Variants in DNAH10 observed in about 807,000 individuals in gnomAD.
The protein encoded by DNAH10 is axonemal beta dynein heavy chain 10.
Under a neutral mutation model 506.6 loss-of-function variants are expected in DNAH10, and 348 were observed. The observed-to-expected ratio is 0.69, with a 90% CI of 0.63 to 0.75. The LOEUF is 0.75. Among genes scored for constraint, DNAH10 ranks in the 30% least tolerant of loss-of-function variants. The probability of loss-of-function intolerance (pLI) is 0.00; values close to 1 mark genes in which losing one functional copy is unlikely to be tolerated. For synonymous variants in DNAH10, 2,059 were observed against 2,198.6 expected (o/e 0.94, Z 1.78); for missense variants, 5,179 against 5,787.1 (o/e 0.89, Z 3.41).
At chr12:123,812,426 A>G (rs534162960) in intron 19 of DNAH10, among the ~76,000 whole-genome samples, 54 of 152,258 alleles carry the variant, frequency 3.5e-4, no homozygotes, top group African/African-American at 1.1e-3. Flanking sequence ...ACTCCAGCCT[A>G]GGCGACAGAG....
chr12:123,813,994 A>T, intron 21 of DNAH10, 82 bp downstream of exon 21: 2 of 1,310,642 alleles, frequency 1.5e-6, no homozygotes, highest in Non-Finnish European at 2.0e-6. Context: ...TCTCAAGTAT[A>T]CTGCCATTGA....
intron 28 of DNAH10, among the ~76,000 whole-genome samples, chr12:123,836,715 TAAAAG>T (rs1466371645): frequency 6.6e-6 from 1 of 152,148 alleles, no homozygotes; most frequent in African/African-American, 2.4e-5. Flanking sequence ...TTTTTAAACT[TAAAAG>T]AATTGTACAA....
rs566334758 is a variant in DNAH10 at position 123,903,519 on chromosome 12, C to A, written c.9815+406C>A. Among the ~76,000 whole-genome samples the A allele has an allele frequency of 6.6e-6, 1 of 152,368 alleles. No individual in the cohort carries two copies. Among genetic ancestry groups the A allele is most frequent in the East Asian group, 1.9e-4 (1 of 5,190 alleles). ...GAGATGTGTGCACACCACGGCCGGA[C>A]TGGCGATGCCTGAATCCATTTCCAG... On this transcript the variant is annotated intron_variant, in intron 57 of 78. Transcript: ENST00000673944. The surrounding 1 kb of genome is among the most constrained non-coding windows in gnomAD (Gnocchi z 4.6).
chr12:123,914,669 C>A, intron 61 of DNAH10, 119 bp downstream of exon 61: 1 of 1,399,256 alleles, frequency 7.1e-7, no homozygotes, highest in Non-Finnish European at 9.6e-7. Context: ...ACAGTTGGCT[C>A]GACTGCATGG....
rs200033987 is a variant in DNAH10 at position 123,918,806 on chromosome 12, C to T, written c.11363C>T (p.Ser3788Phe). 6.2e-4 allele frequency: 1,006 copies of T among 1,613,802 alleles called. 2 individuals are homozygous for T. The highest frequency in any genetic ancestry group is 8.0e-4 in the Non-Finnish European group (942 of 1,179,868). ...CTGTCTGAGATGGCCCTGGTGAACT[C>T]CATGTACCAGTACTCCCTGATTGCC... ...FVLSEMALVN[S>F]MYQYSLIAFL... The change falls in exon 65 of 79, where the codon TCC becomes TTC. Residue 3788 changes from serine to phenylalanine, a missense_variant. Transcript: ENST00000673944.
In DNAH10 at chr12:123,808,902, G is replaced by A. The variant is rs1488939074; in HGVS notation, c.3093G>A (p.Glu1031=). 1.2e-6 allele frequency: 2 copies of A among 1,614,040 alleles called. No homozygotes were observed. Among genetic ancestry groups the A allele is most frequent in the East Asian group, 2.2e-5 (1 of 44,898 alleles). ...PEIILHPNTN[E]IDKMCFHCVR... is the part of the protein sequence containing the mutation. ...TCATCCTTCATCCCAACACAAATGA[G>A]ATCGACAAGATGTGCTTCCATTGTG... is the stretch of plus-strand genomic sequence containing the variant. Residue 1031 remains glutamate, a synonymous_variant, in exon 19 of 79, where the codon GAG becomes GAA. Coordinates refer to ENST00000673944, the MANE Select transcript of DNAH10 (RefSeq NM_001372106.1).
rs371442816 is a variant in DNAH10, at chr12:123,848,740, A to G, written c.5960A>G (p.Lys1987Arg). Residue 1987 changes from lysine (K) to arginine (R), a missense_variant, in exon 34 of 79, where the codon AAG becomes AGG. Physicochemically the swap from Lys to Arg is conservative, Grantham distance 26. Transcript: ENST00000673944. ...TGTCTTTCTTCCTAGGCCGTGGGGA[A>G]GATTTTCTCTGGCCTGGCACAGTGC... The part of the protein sequence containing the change: ...GEGMDYRAVG[K>R]IFSGLAQCGA... 6.2e-7 allele frequency: 1 copy of G among 1,613,946 alleles called. No homozygotes were observed. Among genetic ancestry groups the G allele is most frequent in the Non-Finnish European group, 8.5e-7 (1 of 1,179,860 alleles).
At chr12:123,834,347 A>G (rs897788793) in intron 27 of DNAH10, among the ~76,000 whole-genome samples, 2 of 152,168 alleles carry the variant, frequency 1.3e-5, no homozygotes, top group East Asian at 1.9e-4. Flanking sequence ...GGCTGGGATT[A>G]CAGGCATGTG....
At position 123,785,757 on chromosome 12, in the gene DNAH10, C is replaced by T. The variant is rs769109966; in HGVS notation, c.1242C>T (p.His414=). The T allele has an allele frequency of 2.4e-5, 39 of 1,610,186 alleles. No individual in the cohort carries two copies. Among genetic ancestry groups the T allele is most frequent in the Middle Eastern group, 1.7e-4 (1 of 6,058 alleles). ...CCTCTCTTGGTCAGAACATAACGCA[C>T]GGGTCTGGCTTCCACGTGGTCCTGG... ...TVERYFKNIT[H]GSGFHVVLDT... The change falls in exon 9 of 79, where the codon CAC becomes CAT. Residue 414 remains histidine, a synonymous_variant. Transcript: ENST00000673944. This position sits in a 1 kb window ranked among gnomAD's most constrained non-coding sequence, Gnocchi z 4.1.
intron 57 of DNAH10, among the ~76,000 whole-genome samples, chr12:123,904,909 G>C (rs1953705641): frequency 6.6e-6 from 1 of 152,160 alleles, no homozygotes; most frequent in African/African-American, 2.4e-5. Flanking sequence ...TCCTCTATCA[G>C]CTGTGGTCAC....
chr12:123,868,966 C>T (rs1030688180), intron 43 of DNAH10, among the ~76,000 whole-genome samples: 1 of 152,228 alleles, frequency 6.6e-6, no homozygotes, highest in Non-Finnish European at 1.5e-5. Context: ...TCTGCAATTC[C>T]CTCACTCGGA....
At chr12:123,882,948 C>G (rs1162648890) in intron 51 of DNAH10, among the ~76,000 whole-genome samples, 2 of 152,168 alleles carry the variant, frequency 1.3e-5, no homozygotes, top group Admixed American at 1.3e-4. Context: ...CTATAGTCTT[C>G]CTATTCTAGA....
rs139933834 is a variant in DNAH10, at chr12:123,828,807, T to C, written c.4392-1739T>C. Among the ~76,000 whole-genome samples the C allele has an allele frequency of 1.1e-3, 161 of 152,224 alleles. 1 individual carries two copies. The highest frequency in any genetic ancestry group is 3.0e-3 in the African/African-American group (125 of 41,546). On this transcript the variant is annotated intron_variant, in intron 25 of 78. Transcript: ENST00000673944. Reference sequence around the variant, plus strand: ...GAAAGGGAGCTGGACCTTAAAGTGGTGGTGTTTGTCCAAGATGAGGTTGCT... The same window carrying C: ...GAAAGGGAGCTGGACCTTAAAGTGGCGGTGTTTGTCCAAGATGAGGTTGCT...
chr12:123,856,944 T>C (rs1566001447), intron 36 of DNAH10, 112 bp from the exon 37 acceptor site: 3 of 649,024 alleles, frequency 4.6e-6, no homozygotes, highest in Admixed American at 8.7e-5. Flanking sequence ...AATGTTTATA[T>C]AAAAATTATA....
chr12:123,873,705 C>T lies in DNAH10; in HGVS notation c.7933C>T (p.Pro2645Ser). Residue 2645 changes from proline to serine, a missense_variant, in exon 46 of 79, where the codon CCA becomes TCA. Pro to Ser is a moderately conservative substitution (Grantham distance 74). Coordinates refer to ENST00000673944, the MANE Select transcript of DNAH10 (RefSeq NM_001372106.1). ...GGTGTTCATGGATGACATGAATATG[C>T]CAAGGGTAGTTTGACGCTCAAGCAG... ...LLVFMDDMNM[P>S]RVDEYGTQQP... The T allele has an allele frequency of 6.2e-7, 1 of 1,607,378 alleles. No homozygotes were observed. Among genetic ancestry groups the T allele is most frequent in the Non-Finnish European group, 8.5e-7 (1 of 1,176,798 alleles).
At chr12:123,847,890 T>A (rs1442271225) in intron 32 of DNAH10, 71 bp from the exon 33 acceptor site, 2 of 1,531,484 alleles carry the variant, frequency 1.3e-6, no homozygotes, top group Non-Finnish European at 1.8e-6. Flanking sequence ...GTCACAGTGA[T>A]GAATTTGGAA....
At chr12:123,876,745 C>T (rs56044291) in intron 47 of DNAH10, among the ~76,000 whole-genome samples, 18,509 of 152,140 alleles carry the variant, frequency 0.12, 1,648 homozygotes, top group African/African-American at 0.26. Context: ...GCGGATCACT[C>T]GAGCCCAGCA....
chr12:123,768,175 C>T (rs1485149348), intron 2 of DNAH10, among the ~76,000 whole-genome samples: 1 of 152,020 alleles, frequency 6.6e-6, no homozygotes, highest in Admixed American at 6.6e-5. Context: ...GCTCTTGTCA[C>T]CCAAGCTGGA....
At chr12:123,934,550 G>T in intron 77 of DNAH10, 71 bp from the exon 78 acceptor site, 1 of 1,579,990 alleles carries the variant, frequency 6.3e-7, no homozygotes, top group African/African-American at 1.3e-5. Context: ...CTGTGTGTGC[G>T]CCTGATAGAG....
Sources: gnomAD v4.1 joint callset for allele counts (sites outside exome capture counted in the v4.1 genomes callset) on GRCh38, gnomAD v4.1.1 for gene constraint, Gnocchi (gnomAD v3.1) non-coding constraint, MANE v1.5 for transcripts, NCBI Gene and HGNC (gene_info 2026-07-23, HGNC 2026-07-21) for gene names.